Variants in SPAG6 observed in about 807,000 individuals in gnomAD.
SPAG6 encodes the protein sperm-associated antigen 6.
A neutral mutation model predicts 58.5 loss-of-function variants in SPAG6; 49 were observed. The observed-to-expected ratio is 0.84, with a 90% CI of 0.67 to 1.06. SPAG6 has a LOEUF of 1.06. Among genes scored for constraint, SPAG6 ranks in the 50% least tolerant of loss-of-function variants. SPAG6 has a pLI of 0.00. For missense variants in SPAG6, 560 were observed against 611.3 expected, an observed-to-expected ratio of 0.92 and a Z score of 0.89; for synonymous variants, 233 against 225.6, an observed-to-expected ratio of 1.03 and a Z score of -0.29.
At chr10:22,393,821 T>C (rs1418719643) in intron 8 of SPAG6, among the ~76,000 whole-genome samples, 1 of 152,218 alleles carries the variant, frequency 6.6e-6, no homozygotes, top group Non-Finnish European at 1.5e-5. Flanking sequence ...TTCAAGCCTG[T>C]TCGATTTGAC....
At chr10:22,363,885 G>A (rs939301537) in intron 2 of SPAG6, among the ~76,000 whole-genome samples, 3 of 152,062 alleles carry the variant, frequency 2.0e-5, no homozygotes, top group East Asian at 1.9e-4. Flanking sequence ...GAAAGTCAAC[G>A]GGTACTTTGT....
At chr10:22,348,331 A>T (rs111787319) in intron 2 of SPAG6, among the ~76,000 whole-genome samples, 2,435 of 152,288 alleles carry the variant, frequency 0.016, 57 homozygotes, top group African/African-American at 0.055. Flanking sequence ...TCTTTTAAAA[A>T]ATTACAATTT....
At chr10:22,394,646 T>C (rs926450249) in intron 8 of SPAG6, among the ~76,000 whole-genome samples, 1 of 152,202 alleles carries the variant, frequency 6.6e-6, no homozygotes, top group Non-Finnish European at 1.5e-5. Context: ...CAGGCAACCA[T>C]TAATTTACTT....
At chr10:22,400,085 G>T (rs961944665) in intron 8 of SPAG6, among the ~76,000 whole-genome samples, 3 of 152,126 alleles carry the variant, frequency 2.0e-5, no homozygotes, top group Non-Finnish European at 2.9e-5. Context: ...CACACCTGTG[G>T]TAAAGTTTTG....
At chr10:22,349,269 A>T (rs1235563231) in intron 2 of SPAG6, among the ~76,000 whole-genome samples, 1 of 152,166 alleles carries the variant, frequency 6.6e-6, no homozygotes, top group African/African-American at 2.4e-5. Context: ...AAAAGAACTC[A>T]TATGAACAAT....
chr10:22,382,450 A>G (rs1426825445), intron 4 of SPAG6, among the ~76,000 whole-genome samples: 2 of 152,214 alleles, frequency 1.3e-5, no homozygotes, highest in Admixed American at 1.3e-4. Flanking sequence ...ATAACCCCTA[A>G]TGTTTAAAAA....
At chr10:22,361,738 T>G (rs1837045412) in intron 2 of SPAG6, among the ~76,000 whole-genome samples, 1 of 152,134 alleles carries the variant, frequency 6.6e-6, no homozygotes, top group African/African-American at 2.4e-5. Context: ...AATACCTTTT[T>G]GAGTGGGCAA....
At chr10:22,375,190 T>A (rs1452469038) in intron 4 of SPAG6, among the ~76,000 whole-genome samples, 1 of 152,242 alleles carries the variant, frequency 6.6e-6, no homozygotes, top group African/African-American at 2.4e-5. Context: ...GGCGTATAAA[T>A]CTGCCTAATA....
chr10:22,380,358 A>G lies in SPAG6; in HGVS notation c.473-6396A>G, dbSNP rs143739079. ...TTGCTCTTTTGCCCAGGCTGAAGTG[A>G]AGCAACGTGATCTTGGCTCACAGAA... On this transcript the variant is annotated intron_variant, in intron 4 of 10. Transcript: ENST00000376624. Among the ~76,000 whole-genome samples the G allele has an allele frequency of 4.8e-3, 730 of 151,804 alleles. 10 individuals are homozygous for G. The highest frequency in any genetic ancestry group is 0.017 in the African/African-American group (692 of 41,356).
intron 3 of SPAG6, among the ~76,000 whole-genome samples, chr10:22,366,750 C>G (rs994881289): frequency 6.6e-6 from 1 of 152,140 alleles, no homozygotes; most frequent in Admixed American, 6.5e-5. Context: ...CTCTTGGACT[C>G]TTAGCTCTTT....
chr10:22,411,263 T>C, intron 10 of SPAG6, 87 bp downstream of exon 10: 2 of 1,171,418 alleles, frequency 1.7e-6, no homozygotes, highest in Non-Finnish European at 2.4e-6. Flanking sequence ...TGTGTCAAAA[T>C]GTGGACTTTG....
chr10:22,371,836 A>C (rs1833704149), intron 4 of SPAG6, among the ~76,000 whole-genome samples: 1 of 152,114 alleles, frequency 6.6e-6, no homozygotes, highest in South Asian at 2.1e-4. Flanking sequence ...TCTAAAACTT[A>C]TTTCTATGTA....
At chr10:22,412,617 C>G (rs1834768435) in intron 10 of SPAG6, 4 of 638,808 alleles carry the variant, frequency 6.3e-6, no homozygotes, top group Non-Finnish European at 1.0e-5. Context: ...TGTCTCCAGG[C>G]TGGAGTGCAG....
At chr10:22,403,616 G>C (rs1834472201) in intron 9 of SPAG6, among the ~76,000 whole-genome samples, 1 of 147,652 alleles carries the variant, frequency 6.8e-6, no homozygotes, top group African/African-American at 2.7e-5. Context: ...TGTCTTTATA[G>C]CAGCATGATT....
Position 22,368,835 on chromosome 10 carries a change from G to A in SPAG6, c.472+157G>A, listed in dbSNP as rs117364556. 3.0e-3 allele frequency among the ~76,000 whole-genome samples: 455 copies of A among 151,462 alleles called. 19 individuals are homozygous for A. In the East Asian group the frequency reaches 0.083, roughly 28 times the overall value. Reference sequence around the variant, plus strand: ...GTTTTGAATGATGGCCAAGTTGTTTGGATCATATATTCACAAAAAAAAACC... The same window carrying A: ...GTTTTGAATGATGGCCAAGTTGTTTAGATCATATATTCACAAAAAAAAACC... On this transcript the variant is annotated intron_variant, in intron 4 of 10. Transcript: ENST00000376624.
chr10:22,387,706 A>C lies in SPAG6; in HGVS notation c.679-117A>C. Reference sequence around the variant, plus strand: ...AATCTTAGGCTGTTTAGGCATGTACATTTTTTTCCTTTTATAAAGGAATTT... The same window carrying C: ...AATCTTAGGCTGTTTAGGCATGTACCTTTTTTTCCTTTTATAAAGGAATTT... On this transcript the variant is annotated intron_variant, in intron 5 of 10. Transcript: ENST00000376624. 1.0e-5 allele frequency: 10 copies of C among 977,214 alleles called. No homozygotes were observed. In the South Asian group the frequency reaches 2.4e-4, roughly 23 times the overall value. The allele number at this position is 977,214 out of a possible 1,614,324, so 60.5% of individuals were successfully genotyped here.
At chr10:22,396,076 TAAG>T (rs1262375858) in intron 8 of SPAG6, among the ~76,000 whole-genome samples, 4 of 152,028 alleles carry the variant, frequency 2.6e-5, no homozygotes, top group African/African-American at 7.2e-5. Context: ...AAAGGGGCAA[TAAG>T]AATGTCTTCA....
In SPAG6 at chr10:22,416,558, T is replaced by A. The variant is rs1189537534; in HGVS notation, c.1461-61T>A. The A allele has an allele frequency of 8.1e-6, 8 of 987,272 alleles. No homozygotes were observed. The Middle Eastern group carries it at 7.5e-4, about 93-fold the overall frequency. The allele number at this position is 987,272 out of a possible 1,614,324, so 61.2% of individuals were successfully genotyped here. On this transcript the variant is annotated intron_variant, in intron 10 of 10. Transcript: ENST00000376624. ...TTTCAGATAAATCCCCTATATTGAA[T>A]CTTATGTGCCTGCTGTGTTGATCGT...
At chr10:22,400,168 CAA>C (rs1834377142) in intron 8 of SPAG6, among the ~76,000 whole-genome samples, 1 of 152,070 alleles carries the variant, frequency 6.6e-6, no homozygotes, top group Non-Finnish European at 1.5e-5. Flanking sequence ...AAGAGCACTG[CAA>C]AACACTCAAT....
Sources: gnomAD v4.1 joint callset for allele counts (sites outside exome capture counted in the v4.1 genomes callset) on GRCh38, gnomAD v4.1.1 for gene constraint, MANE v1.5 for transcripts, NCBI Gene and HGNC (gene_info 2026-07-23, HGNC 2026-07-21) for gene names.